The following CCNH variants were observed in gnomAD, a reference collection of about 807,000 sequenced individuals.
CCNH encodes the protein cyclin H, also known as cyclin-H.
A neutral mutation model predicts 41.9 loss-of-function variants in CCNH; 31 were observed. The observed-to-expected ratio is 0.74, with a 90% CI of 0.56 to 1.00. The LOEUF (loss-of-function observed/expected upper bound fraction) is 1.00, where lower values mean the gene tolerates loss of function less well. Ranked by LOEUF, CCNH falls within the 50% of genes least tolerant of loss-of-function variation. The pLI is 0.00. For missense variants in CCNH, 362 were observed against 388.4 expected (o/e 0.93, Z 0.57); for synonymous variants, 138 against 136.1 (o/e 1.01, Z -0.10).
intron 9 of CCNH, chr5:87,333,367 C>T: frequency 5.6e-6 from 9 of 1,609,194 alleles, no homozygotes; most frequent in Non-Finnish European, 7.6e-6. Context: ...CATGTATAGG[C>T]ATTTGAAAGA....
At chr5:87,332,737 C>G in intron 9 of CCNH, 1 of 1,244,332 alleles carries the variant, frequency 8.0e-7, no homozygotes, top group Non-Finnish European at 1.1e-6. Context: ...TATTATAATT[C>G]AAGAAGTATT....
chr5:87,372,340 C>T (rs573324749), downstream of CCNH: 7 of 714,966 alleles, frequency 9.8e-6, no homozygotes, highest in Admixed American at 1.6e-4. Context: ...GAAAACGTTA[C>T]TTCTTTATGA....
Position 87,394,491 on chromosome 5 carries a change from A to G in CCNH, c.934-7T>C. 1 of 1,613,578 alleles carries G rather than the reference A, an allele frequency of 6.2e-7. No homozygotes were observed. The highest frequency in any genetic ancestry group is 8.5e-7 in the Non-Finnish European group (1 of 1,179,642). The stretch of plus-strand genomic sequence containing the variant: ...CGTCATCAGTCCATTCTTCCTAAGA[A>G]GGAAAAAAAGTGTGGTAAGGATAAC... On this transcript the variant is annotated splice_region_variant and splice_polypyrimidine_tract_variant and intron_variant, in intron 8 of 8. Transcript: ENST00000256897.
downstream of CCNH, chr5:87,392,010 G>A (rs1762561185): frequency 3.3e-6 from 1 of 304,194 alleles, no homozygotes; most frequent in Non-Finnish European, 6.4e-6. Flanking sequence ...TCAGAGCAAG[G>A]CCCAGGGAGA....
intron 9 of CCNH, among the ~76,000 whole-genome samples, chr5:87,367,771 A>C (rs1561315189): frequency 6.6e-6 from 1 of 152,170 alleles, no homozygotes; most frequent in Non-Finnish European, 1.5e-5. Context: ...TATTAAATTC[A>C]AGATTGGCAG....
At chr5:87,328,386 G>A (rs1757386373) in intron 9 of CCNH, among the ~76,000 whole-genome samples, 2 of 152,000 alleles carry the variant, frequency 1.3e-5, no homozygotes, top group Admixed American at 6.6e-5. Flanking sequence ...ATATAATAAG[G>A]CTTTGACTGT....
In CCNH at chr5:87,332,367, A is replaced by G. The variant is rs1361482115; in HGVS notation, c.*91-13470T>C. On this transcript the variant is annotated intron_variant and NMD_transcript_variant, in intron 9 of 9. Transcript: ENST00000645953. ...GTAATTTACTGTGATGAAGATACTA[A>G]TAAGTGGTATTTTAGTATAAGGATA... 11 of 822,646 alleles carry G rather than the reference A, an allele frequency of 1.3e-5. No individual in the cohort carries two copies. In the South Asian group the frequency reaches 1.8e-4, roughly 14 times the overall value. 51.0% of individuals were successfully genotyped at this position (822,646 alleles called of 1,614,324 possible). A position where few individuals can be genotyped will look rare whatever the true frequency, so the allele number is the denominator to read the frequency against.
At chr5:87,367,607 T>C (rs1180956208) in intron 9 of CCNH, among the ~76,000 whole-genome samples, 1 of 152,214 alleles carries the variant, frequency 6.6e-6, no homozygotes, top group African/African-American at 2.4e-5. Context: ...ACTTCTAACT[T>C]TTAATACTGC....
chr5:87,380,326 T>A (rs934559063), upstream of CCNH, among the ~76,000 whole-genome samples: 1 of 152,170 alleles, frequency 6.6e-6, no homozygotes, highest in Non-Finnish European at 1.5e-5. Flanking sequence ...GATGATAAAC[T>A]TAGTGGATAA....
intron 9 of CCNH, among the ~76,000 whole-genome samples, chr5:87,384,729 A>T (rs1761948877): frequency 1.3e-5 from 2 of 152,136 alleles, no homozygotes; most frequent in Admixed American, 1.3e-4. Flanking sequence ...TTTCATTTAC[A>T]TCCTACTATC....
upstream of CCNH, among the ~76,000 whole-genome samples, chr5:87,381,402 C>T (rs950052662): frequency 6.6e-6 from 1 of 152,096 alleles, no homozygotes; most frequent in Non-Finnish European, 1.5e-5. Flanking sequence ...AAGTTTAATG[C>T]GAAAGCGTCA....
intron 9 of CCNH, among the ~76,000 whole-genome samples, chr5:87,344,608 A>G (rs1310561972): frequency 2.6e-5 from 4 of 151,706 alleles, no homozygotes; most frequent in Non-Finnish European, 5.9e-5. Flanking sequence ...GGCTCAAGTG[A>G]TCTTCCTGCC....
At chr5:87,337,823 C>T in intron 9 of CCNH, 2 of 773,238 alleles carry the variant, frequency 2.6e-6, no homozygotes, top group Non-Finnish European at 3.7e-6. Flanking sequence ...TGGATAATGC[C>T]AGAAATAGGA....
At chr5:87,389,146 A>G (rs768280880), downstream of CCNH, among the ~76,000 whole-genome samples, 1 of 152,184 alleles carries the variant, frequency 6.6e-6, no homozygotes, top group Non-Finnish European at 1.5e-5. Context: ...TTTTCACATG[A>G]GACTACAGAG....
chr5:87,333,407 A>T (rs1391475554), intron 9 of CCNH: 1 of 1,584,914 alleles, frequency 6.3e-7, no homozygotes, highest in East Asian at 2.3e-5. Context: ...TTACTCTTGG[A>T]CTAGGAAGCT....
chr5:87,412,509 G>C (rs919561535), intron 1 of CCNH, 169 bp downstream of exon 1: 1 of 1,434,792 alleles, frequency 7.0e-7, no homozygotes, highest in Non-Finnish European at 9.1e-7. Context: ...GTTCGTCTTT[G>C]TACCCACGGA....
At chr5:87,361,307 A>G (rs1046406083) in intron 9 of CCNH, among the ~76,000 whole-genome samples, 6 of 152,114 alleles carry the variant, frequency 3.9e-5, no homozygotes, top group African/African-American at 1.2e-4. Flanking sequence ...TCATTCTTCT[A>G]TTTTCTTATT....
chr5:87,412,917 G>A lies in CCNH; in HGVS notation c.-123C>T. The A allele has an allele frequency of 3.4e-6, 5 of 1,467,614 alleles. No homozygotes were observed. Among genetic ancestry groups the A allele is most frequent in the Non-Finnish European group, 4.5e-6 (5 of 1,108,640 alleles). The allele number at this position is 1,467,614 out of a possible 1,614,324, so 90.9% of individuals were successfully genotyped here. On this transcript the variant is annotated 5_prime_UTR_variant, in exon 1 of 9. Transcript: ENST00000256897. ...GGAAGCCTAGGGCGTCCGGCTAGCC[G>A]GCGCTGGCGCGCTGTCGTCACGATT...
upstream of CCNH, chr5:87,380,462 T>C: frequency 6.7e-7 from 1 of 1,486,442 alleles, no homozygotes; most frequent in Non-Finnish European, 9.4e-7. Flanking sequence ...AGGAGATCAG[T>C]GTTTTCACTT....
Sources: allele counts gnomAD v4.1 joint callset (sites outside exome capture counted in the v4.1 genomes callset), GRCh38; gene constraint gnomAD v4.1.1; transcripts MANE v1.5; gene names NCBI Gene and HGNC (gene_info 2026-07-23, HGNC 2026-07-21).